The following RASSF3 variants were observed in gnomAD, a reference collection of about 807,000 sequenced individuals.
The protein encoded by RASSF3 is ras association domain-containing protein 3.
Under a neutral mutation model 19.9 loss-of-function variants are expected in RASSF3, and 19 were observed. That is an observed-to-expected ratio of 0.96 (90% confidence interval 0.67 to 1.40). The LOEUF is 1.40. Ranked by LOEUF, RASSF3 falls within the 40% of genes most tolerant of loss-of-function variation. The pLI is 0.00. For missense variants in RASSF3, 306 were observed against 289.8 expected (o/e 1.06, Z -0.41); for synonymous variants, 110 against 104.2 (o/e 1.06, Z -0.34).
chr12:64,630,426 T>C (rs1018216475), intron 1 of RASSF3, among the ~76,000 whole-genome samples: 1 of 152,140 alleles, frequency 6.6e-6, no homozygotes, highest in African/African-American at 2.4e-5. Context: ...TTTGGGAGGC[T>C]GAGGCAAGAG....
At chr12:64,625,238 T>G (rs1870946219) in intron 1 of RASSF3, among the ~76,000 whole-genome samples, 1 of 152,130 alleles carries the variant, frequency 6.6e-6, no homozygotes. Context: ...TTATTATTTT[T>G]TAGCTGCATA....
intron 2 of RASSF3, among the ~76,000 whole-genome samples, chr12:64,588,097 T>C (rs1335313697): frequency 1.3e-5 from 2 of 152,188 alleles, no homozygotes; most frequent in Admixed American, 1.3e-4. Flanking sequence ...ACCTTTTTTT[T>C]TGAGACATGG....
chr12:64,549,234 G>A (rs771452973), intron 2 of RASSF3, among the ~76,000 whole-genome samples: 5 of 152,172 alleles, frequency 3.3e-5, no homozygotes, highest in Non-Finnish European at 5.9e-5. Flanking sequence ...ACAGAAGACC[G>A]GGTGCAGTGG....
intron 1 of RASSF3, among the ~76,000 whole-genome samples, chr12:64,635,978 T>C (rs1043769959): frequency 1.3e-5 from 2 of 152,226 alleles, no homozygotes; most frequent in African/African-American, 4.8e-5. Context: ...CGAAACTATA[T>C]TTCTTATGAA....
At chr12:64,637,436 T>C (rs1211867629) in intron 1 of RASSF3, among the ~76,000 whole-genome samples, 1 of 151,322 alleles carries the variant, frequency 6.6e-6, no homozygotes, top group Non-Finnish European at 1.5e-5. Flanking sequence ...TTTTTTTTTT[T>C]TTTTTGAGAC....
chr12:64,545,392 A>G (rs1869036250), downstream of RASSF3, among the ~76,000 whole-genome samples: 1 of 152,258 alleles, frequency 6.6e-6, no homozygotes, highest in African/African-American at 2.4e-5. Flanking sequence ...ATTTTGAAAA[A>G]GTAATACTGA....
At chr12:64,577,329 G>T (rs1483661461) in intron 2 of RASSF3, among the ~76,000 whole-genome samples, 1 of 152,168 alleles carries the variant, frequency 6.6e-6, no homozygotes, top group Non-Finnish European at 1.5e-5. Context: ...ACTTGCTGCT[G>T]CCATTTAGCG....
chr12:64,684,552 C>T (rs1873270885), intron 1 of RASSF3, among the ~76,000 whole-genome samples: 1 of 151,922 alleles, frequency 6.6e-6, no homozygotes. Context: ...CTGCCTCAGC[C>T]TCCCAAGTAG....
intron 2 of RASSF3, among the ~76,000 whole-genome samples, chr12:64,594,508 A>T (rs958930608): frequency 6.6e-5 from 10 of 152,210 alleles, no homozygotes; most frequent in African/African-American, 2.4e-4. Flanking sequence ...ATTTGAATGT[A>T]TAACCTTTAC....
intron 1 of RASSF3, among the ~76,000 whole-genome samples, chr12:64,676,491 T>TG (rs2013748260): frequency 1.2e-5 from 1 of 81,412 alleles, no homozygotes; most frequent in Non-Finnish European, 2.5e-5. Flanking sequence ...TTTTTTTTTT[T>TG]GATGGAATCT....
At chr12:64,667,211 C>A (rs1330269945) in intron 1 of RASSF3, among the ~76,000 whole-genome samples, 1 of 152,188 alleles carries the variant, frequency 6.6e-6, no homozygotes, top group East Asian at 1.9e-4. Context: ...AATATGGTTT[C>A]TTTGCTGCAA....
At chr12:64,604,936 T>A (rs1870162767) in intron 2 of RASSF3, among the ~76,000 whole-genome samples, 1 of 151,878 alleles carries the variant, frequency 6.6e-6, no homozygotes, top group African/African-American at 2.4e-5. Flanking sequence ...TGTAACCAAC[T>A]CCTATCATCT....
chr12:64,682,209 C>T (rs1037287917), intron 1 of RASSF3, among the ~76,000 whole-genome samples: 2 of 152,134 alleles, frequency 1.3e-5, no homozygotes, highest in African/African-American at 4.8e-5. Flanking sequence ...TGGTATTTAT[C>T]CAGTATTACC....
intron 1 of RASSF3, among the ~76,000 whole-genome samples, chr12:64,617,149 C>T (rs552232401): frequency 6.6e-6 from 1 of 152,230 alleles, no homozygotes; most frequent in East Asian, 1.9e-4. Flanking sequence ...ACAATGTCTC[C>T]CCCTTTCCAA....
intron 2 of RASSF3, among the ~76,000 whole-genome samples, chr12:64,563,967 A>G (rs1592402004): frequency 6.6e-6 from 1 of 152,152 alleles, no homozygotes; most frequent in East Asian, 1.9e-4. Flanking sequence ...TGTTTTGCTC[A>G]TAGCTGCATC....
chr12:64,508,312 C>T (rs1454012747), intron 1 of RASSF3, among the ~76,000 whole-genome samples: 6 of 151,640 alleles, frequency 4.0e-5, no homozygotes, highest in East Asian at 3.9e-4. Context: ...GTGAGGAGTT[C>T]GAGACCAGCC....
At chr12:64,622,096 G>T (rs1592425676) in intron 1 of RASSF3, among the ~76,000 whole-genome samples, 1 of 152,108 alleles carries the variant, frequency 6.6e-6, no homozygotes, top group East Asian at 1.9e-4. Flanking sequence ...CTGTCACCAG[G>T]CTGGAGTGCA....
At chr12:64,609,631 G>C (rs1870266257), upstream of RASSF3, among the ~76,000 whole-genome samples, 2 of 152,186 alleles carry the variant, frequency 1.3e-5, no homozygotes, top group Admixed American at 1.3e-4. Context: ...TAGAAAACAT[G>C]GAAACTTTTT....
chr12:64,642,898 C>G (rs1031895153), intron 1 of RASSF3, among the ~76,000 whole-genome samples: 5 of 149,786 alleles, frequency 3.3e-5, no homozygotes, highest in African/African-American at 1.2e-4. Flanking sequence ...TGGAGTCTCA[C>G]TCTGTTGCCC....
Sources: gnomAD v4.1 joint callset for allele counts (sites outside exome capture counted in the v4.1 genomes callset) on GRCh38, gnomAD v4.1.1 for gene constraint, MANE v1.5 for transcripts, NCBI Gene and HGNC (gene_info 2026-07-23, HGNC 2026-07-21) for gene names.